ZNF99: variants seen among roughly 807,000 people sequenced by gnomAD.
ZNF99 encodes the protein zinc finger protein ENSP00000375192.
In ZNF99, 8 loss-of-function variants were observed where a neutral mutation model predicts 12.8. The ratio of observed to expected loss-of-function variants is 0.62; its 90% CI spans 0.37 to 1.13. ZNF99 has a LOEUF of 1.13. Ranked by LOEUF, ZNF99 falls within the 50% of genes most tolerant of loss-of-function variation. ZNF99 has a pLI of 0.02. For synonymous variants in ZNF99, 318 were observed against 319.0 expected (o/e 1.00, Z 0.03); for missense variants, 1,007 against 1,006.2 (o/e 1.00, Z -0.01).
rs1230944543 is a variant in ZNF99, at chr19:22,768,351, T to C, written c.180A>G (p.Lys60=). The change falls in exon 3 of 4, where the codon AAA becomes AAG. Residue 60 remains lysine, a synonymous_variant. Coordinates refer to ENST00000596209, the MANE Select transcript of ZNF99 (RefSeq NM_001080409.3). The part of the protein sequence containing the change: ...LDLITCLKQG[K]EPWNMKRHEM... ...CATGTCTCTTCATATTCCAAGGCTC[T>C]TTCCCTTGCTTCAGACAAGTTATCA... 2 of 1,613,982 alleles carry C rather than the reference T, an allele frequency of 1.2e-6. No homozygotes were observed. Among genetic ancestry groups the C allele is most frequent in the Admixed American group, 1.7e-5 (1 of 60,016 alleles).
At chr19:22,776,775 G>T (rs1289925357) in intron 1 of ZNF99, among the ~76,000 whole-genome samples, 1 of 152,194 alleles carries the variant, frequency 6.6e-6, no homozygotes, top group Non-Finnish European at 1.5e-5. Flanking sequence ...GCACATGCAT[G>T]TTCACTGAAG....
chr19:22,763,971 T>A (rs1973178083), intron 3 of ZNF99, among the ~76,000 whole-genome samples: 1 of 144,240 alleles, frequency 6.9e-6, no homozygotes, highest in African/African-American at 2.7e-5. Context: ...TGCAGTGGTG[T>A]GATCTTGGCT....
intron 1 of ZNF99, among the ~76,000 whole-genome samples, chr19:22,778,838 C>T (rs1294377295): frequency 2.0e-5 from 3 of 151,928 alleles, no homozygotes; most frequent in Non-Finnish European, 4.4e-5. Context: ...AACCTCGTCT[C>T]TACTAAAAAT....
At chr19:22,771,111 G>GT (rs1568386552) in intron 1 of ZNF99, 2 of 151,240 alleles carry the variant, frequency 1.3e-5, no homozygotes, top group African/African-American at 4.9e-5. Context: ...GGTATTTTTT[G>GT]TATTTTTAGT....
Position 22,756,934 on chromosome 19 carries a change from T to C in ZNF99, c.*380A>G. On this transcript the variant is annotated 3_prime_UTR_variant, in exon 4 of 4. Transcript: ENST00000596209. ...ATAAGTTTTGAGACCACTTAAAAGC[T>C]TTACCACATTCTTCACATTTGTATG... 6.2e-7 allele frequency: 1 copy of C among 1,610,934 alleles called. No individual in the cohort carries two copies. The highest frequency in any genetic ancestry group is 1.7e-4 in the Middle Eastern group (1 of 6,030).
rs912648385 is a variant in ZNF99, at chr19:22,753,835, T to C, written c.*3479A>G. On this transcript the variant is annotated 3_prime_UTR_variant, in exon 4 of 4. Coordinates refer to ENST00000596209, the MANE Select transcript of ZNF99 (RefSeq NM_001080409.3). Reference sequence around the variant, plus strand: ...TTTCCTATGCGATAAGGTGTGAGTATTGGTTAAATATTTTGCCACATTCTT... The same window carrying C: ...TTTCCTATGCGATAAGGTGTGAGTACTGGTTAAATATTTTGCCACATTCTT... The C allele has an allele frequency of 3.4e-6, 1 of 297,076 alleles. No individual in the cohort carries two copies. The highest frequency in any genetic ancestry group is 6.7e-6 in the Non-Finnish European group (1 of 148,946). The allele number at this position is 297,076 out of a possible 1,614,324, so 18.4% of individuals were successfully genotyped here. A position where few individuals can be genotyped will look rare whatever the true frequency, so the allele number is the denominator to read the frequency against.
chr19:22,779,512 G>C (rs34085282), intron 1 of ZNF99, among the ~76,000 whole-genome samples: 15,642 of 152,036 alleles, frequency 0.1, 1,821 homozygotes, highest in African/African-American at 0.29. Flanking sequence ...GCAACAGAGT[G>C]AGACTCTGTC....
At chr19:22,776,788 C>T (rs1377504849) in intron 1 of ZNF99, among the ~76,000 whole-genome samples, 1 of 152,166 alleles carries the variant, frequency 6.6e-6, no homozygotes, top group East Asian at 1.9e-4. Context: ...CACTGAAGCA[C>T]TATTCACAAT....
chr19:22,760,519 C>T (rs1973138683), intron 3 of ZNF99, among the ~76,000 whole-genome samples: 1 of 152,214 alleles, frequency 6.6e-6, no homozygotes, highest in South Asian at 2.1e-4. Flanking sequence ...CCTAGGTGGG[C>T]AGATCACGAG....
intron 1 of ZNF99, among the ~76,000 whole-genome samples, chr19:22,780,565 T>G (rs1973376439): frequency 6.6e-6 from 1 of 151,402 alleles, no homozygotes; most frequent in South Asian, 2.1e-4. Flanking sequence ...GTGGCACATA[T>G]CTGTAATCCC....
chr19:22,767,123 A>AG lies in ZNF99; in HGVS notation c.226+1181_226+1182insC, dbSNP rs1280889610. 5.3e-5 allele frequency among the ~76,000 whole-genome samples: 8 copies of AG among 150,922 alleles called. No individual in the cohort carries two copies. The South Asian group carries it at 6.3e-4, about 12-fold the overall frequency. On this transcript the variant is annotated intron_variant, in intron 3 of 3. Transcript: ENST00000596209. ...TGTCTCTACCAAAAAAAAAAAAAAAAAAAACCAAAAAACTAGCTGGGTTTA... is the reference window on the plus strand; with the variant it reads ...TGTCTCTACCAAAAAAAAAAAAAAAAGAAAACCAAAAAACTAGCTGGGTTTA...
At chr19:22,778,547 G>A (rs1973353591) in intron 1 of ZNF99, among the ~76,000 whole-genome samples, 1 of 152,136 alleles carries the variant, frequency 6.6e-6, no homozygotes, top group Non-Finnish European at 1.5e-5. Context: ...CTTTGCTTCT[G>A]AGCTACTGTT....
intron 3 of ZNF99, among the ~76,000 whole-genome samples, chr19:22,765,043 T>C (rs535089982): frequency 3.4e-4 from 52 of 152,328 alleles, no homozygotes; most frequent in South Asian, 6.2e-4. Flanking sequence ...CACACATTTA[T>C]AGCAGCGTAA....
At position 22,755,892 on chromosome 19, in the gene ZNF99, T is replaced by G. The variant is rs1973043706; in HGVS notation, c.*1422A>C. On this transcript the variant is annotated 3_prime_UTR_variant, in exon 4 of 4. Transcript: ENST00000596209. ...TGTGGAGTTTATCTTCTTTAGGAAT[T>G]CTCTCATTTTGAGTAACAGCTGAGC... is the stretch of plus-strand genomic sequence containing the variant. 1 of 334,792 alleles carries G rather than the reference T, an allele frequency of 3.0e-6. No individual in the cohort carries two copies. The highest frequency in any genetic ancestry group is 5.9e-6 in the Non-Finnish European group (1 of 169,758). 20.7% of individuals were successfully genotyped at this position (334,792 alleles called of 1,614,324 possible). A position where few individuals can be genotyped will look rare whatever the true frequency, so the allele number is the denominator to read the frequency against.
At chr19:22,775,418 T>G (rs1973315297) in intron 1 of ZNF99, among the ~76,000 whole-genome samples, 1 of 152,166 alleles carries the variant, frequency 6.6e-6, no homozygotes. Flanking sequence ...CAAGATGAAT[T>G]AAAGCCTTAA....
chr19:22,762,473 C>A (rs1048037439), intron 3 of ZNF99, among the ~76,000 whole-genome samples: 5 of 151,604 alleles, frequency 3.3e-5, no homozygotes, highest in Admixed American at 6.6e-5. Flanking sequence ...CAATAATGAG[C>A]AGCGAGATTG....
At chr19:22,764,381 T>C (rs1461130786) in intron 3 of ZNF99, among the ~76,000 whole-genome samples, 1 of 152,146 alleles carries the variant, frequency 6.6e-6, no homozygotes, top group Non-Finnish European at 1.5e-5. Flanking sequence ...CTTTTAGACA[T>C]TGGCTTAGAC....
chr19:22,784,098 C>T lies in ZNF99; in HGVS notation c.-82G>A, dbSNP rs541090957. On this transcript the variant is annotated 5_prime_UTR_variant, in exon 1 of 4. Transcript: ENST00000596209. ...GTCACAGGGCCACAGAGGCTAAGGACACAGAGCAGTAAAAACGAGATCCGG... is the reference window on the plus strand; with the variant it reads ...GTCACAGGGCCACAGAGGCTAAGGATACAGAGCAGTAAAAACGAGATCCGG... 90 of 1,531,842 alleles carry T rather than the reference C, an allele frequency of 5.9e-5. No homozygotes were observed. The highest frequency in any genetic ancestry group is 7.8e-5 in the Non-Finnish European group (87 of 1,114,378). The allele number at this position is 1,531,842 out of a possible 1,614,324, so 94.9% of individuals were successfully genotyped here.
At chr19:22,763,699 T>G (rs924550762) in intron 3 of ZNF99, among the ~76,000 whole-genome samples, 13 of 151,976 alleles carry the variant, frequency 8.6e-5, no homozygotes, top group African/African-American at 3.1e-4. Context: ...AGAACAAATC[T>G]GAAGGCATCA....
Sources: gnomAD v4.1 joint callset for allele counts (sites outside exome capture counted in the v4.1 genomes callset) on GRCh38, gnomAD v4.1.1 for gene constraint, MANE v1.5 for transcripts, NCBI Gene and HGNC (gene_info 2026-07-23, HGNC 2026-07-21) for gene names.